ALG13: variants seen among roughly 807,000 people sequenced by gnomAD.
ALG13 encodes ALG13 UDP-N-acetylglucosaminyltransferase subunit, also known as UDP-N-acetylglucosamine transferase subunit ALG13.
Under a neutral mutation model 87.8 loss-of-function variants are expected in ALG13, and 11 were observed. That is an observed-to-expected ratio of 0.13 (90% CI 0.08 to 0.21). The LOEUF (loss-of-function observed/expected upper bound fraction) is 0.21. Ranked by LOEUF, ALG13 falls within the 10% of genes least tolerant of loss-of-function variation. ALG13 has a pLI of 1.00. For synonymous variants in ALG13, 320 were observed against 306.3 expected, an observed-to-expected ratio of 1.04 and a Z score of -0.47; for missense variants, 756 against 866.1, an observed-to-expected ratio of 0.87 and a Z score of 1.60.
chrX:111,732,824 G>GT (rs935611498), intron 21 of ALG13, among the ~76,000 whole-genome samples: 5 of 111,557 alleles, frequency 4.5e-5, no homozygotes, highest in South Asian at 7.5e-4. Context: ...TCCAGAGAAA[G>GT]TTTTTTCCCC....
At chrX:111,752,744 T>A (rs765416830) in intron 24 of ALG13, 46 bp from the exon 25 acceptor site, 7 of 965,923 alleles carry the variant, frequency 7.2e-6, no homozygotes, top group Non-Finnish European at 1.0e-5. Flanking sequence ...TAATTCTAAT[T>A]GCTTATGTCA....
intron 25 of ALG13, among the ~76,000 whole-genome samples, chrX:111,756,178 G>A (rs946820317): frequency 3.6e-5 from 4 of 111,574 alleles, no homozygotes; most frequent in Admixed American, 9.5e-5. Flanking sequence ...ACCAAACACC[G>A]CATGTTCTCA....
chrX:111,693,325 G>A (rs1269114016), intron 3 of ALG13, among the ~76,000 whole-genome samples: 4 of 106,639 alleles, frequency 3.8e-5, no homozygotes, highest in African/African-American at 1.4e-4. Flanking sequence ...CATTATCTCC[G>A]CTCACTGCAA....
intron 10 of ALG13, among the ~76,000 whole-genome samples, chrX:111,719,130 A>G (rs1941063384): frequency 9.4e-6 from 1 of 106,320 alleles, no homozygotes. Flanking sequence ...AGGTTCAAGC[A>G]GTTCTCCTGC....
In ALG13 at chrX:111,727,597, T is replaced by C; in HGVS notation, c.2091-17T>C. Reference sequence around the variant, plus strand: ...TATTTCATCATTTTTACTTTTTTATTATTTGAACCACTTAAGTTCATTTAG... The same window carrying C: ...TATTTCATCATTTTTACTTTTTTATCATTTGAACCACTTAAGTTCATTTAG... On this transcript the variant is annotated splice_polypyrimidine_tract_variant and intron_variant, in intron 17 of 26. Coordinates refer to ENST00000394780, the MANE Select transcript of ALG13 (RefSeq NM_001099922.3). 8.4e-7 allele frequency: 1 copy of C among 1,183,575 alleles called. No homozygotes were observed. Among genetic ancestry groups the C allele is most frequent in the Non-Finnish European group, 1.1e-6 (1 of 881,365 alleles).
At chrX:111,721,732 T>TTC in intron 12 of ALG13, 21 bp downstream of exon 12, 2 of 1,051,110 alleles carry the variant, frequency 1.9e-6, no homozygotes, top group Non-Finnish European at 2.6e-6. Flanking sequence ...ATCAACAGGA[T>TTC]ACTTTTGAAT....
chrX:111,750,256 C>T (rs186894735), intron 24 of ALG13, among the ~76,000 whole-genome samples: 4 of 111,348 alleles, frequency 3.6e-5, no homozygotes, highest in Non-Finnish European at 1.9e-5. Context: ...CCTTAGCAAT[C>T]GCTCCTCTAG....
At chrX:111,696,026 A>C (rs1195066821) in intron 3 of ALG13, among the ~76,000 whole-genome samples, 2 of 111,817 alleles carry the variant, frequency 1.8e-5, no homozygotes, top group Non-Finnish European at 3.8e-5. Context: ...TAATTGAAGT[A>C]AGTTATTTAG....
At chrX:111,740,760 A>T (rs1030670494) in intron 23 of ALG13, among the ~76,000 whole-genome samples, 13 of 112,190 alleles carry the variant, frequency 1.2e-4, no homozygotes, top group Non-Finnish European at 2.3e-4. Flanking sequence ...AGATTGGAAT[A>T]TACCAAGTAT....
In ALG13 at chrX:111,736,765, G is replaced by T; in HGVS notation, c.2581G>T (p.Ala861Ser). 8.3e-7 allele frequency: 1 copy of T among 1,210,616 alleles called. No homozygotes were observed. The highest frequency in any genetic ancestry group is 1.1e-6 in the Non-Finnish European group (1 of 894,857). The change falls in exon 23 of 27, where the codon GCT becomes TCT. Residue 861 changes from alanine to serine, a missense_variant. Transcript: ENST00000394780. Reference sequence around the variant, plus strand: ...AGCTTCCTGTGCCAATAATGTTCCAGCTCCAGTCTTATCTAACGGTGCAGC... The same window carrying T: ...AGCTTCCTGTGCCAATAATGTTCCATCTCCAGTCTTATCTAACGGTGCAGC... ...VAASCANNVP[A>S]PVLSNGAAAN...
chrX:111,705,496 A>AT (rs976633192), intron 3 of ALG13, among the ~76,000 whole-genome samples: 5 of 110,478 alleles, frequency 4.5e-5, no homozygotes, highest in Admixed American at 2.9e-4. Context: ...AATCGAGTTA[A>AT]TTTTTTTTTC....
intron 24 of ALG13, among the ~76,000 whole-genome samples, chrX:111,750,105 A>G (rs990644377): frequency 9.0e-6 from 1 of 111,485 alleles, no homozygotes; most frequent in Non-Finnish European, 1.9e-5. Flanking sequence ...TGTGAACTCT[A>G]TGTAGCAGGT....
intron 10 of ALG13, among the ~76,000 whole-genome samples, chrX:111,718,744 T>C: frequency 8.9e-6 from 1 of 112,180 alleles, no homozygotes; most frequent in Middle Eastern, 4.6e-3. Flanking sequence ...CTGAGGTTAG[T>C]TGACACATCC....
At chrX:111,741,798 G>T (rs1213831841) in intron 23 of ALG13, among the ~76,000 whole-genome samples, 1 of 103,650 alleles carries the variant, frequency 9.6e-6, no homozygotes, top group Admixed American at 1.0e-4. Context: ...GGGCAAGAGC[G>T]AGACTTTGTC....
intron 10 of ALG13, among the ~76,000 whole-genome samples, chrX:111,719,372 T>C (rs2052330307): frequency 9.0e-6 from 1 of 111,469 alleles, no homozygotes. Context: ...GTGGCAACCA[T>C]GTATTAGGGT....
At chrX:111,729,515 T>C (rs1013026505) in intron 19 of ALG13, among the ~76,000 whole-genome samples, 3 of 111,817 alleles carry the variant, frequency 2.7e-5, no homozygotes, top group African/African-American at 9.8e-5. Context: ...CTGTCTGCTC[T>C]CTTATTTAGA....
chrX:111,689,535 CGTT>C, intron 3 of ALG13: 2 of 753,033 alleles, frequency 2.7e-6, no homozygotes, highest in African/African-American at 4.6e-5. Flanking sequence ...AGGTTTAAGC[CGTT>C]GTTGTCAATT....
intron 24 of ALG13, among the ~76,000 whole-genome samples, chrX:111,748,587 T>C (rs1944445079): frequency 8.9e-6 from 1 of 112,181 alleles, no homozygotes; most frequent in Admixed American, 9.5e-5. Flanking sequence ...TTGACTACTT[T>C]CTTTTTTATT....
intron 25 of ALG13, chrX:111,753,091 G>C: frequency 4.3e-6 from 1 of 232,408 alleles, no homozygotes; most frequent in Non-Finnish European, 7.7e-6. Context: ...TATTAGATGA[G>C]CCATCATATT....
Sources: allele counts gnomAD v4.1 joint callset (sites outside exome capture counted in the v4.1 genomes callset), GRCh38; gene constraint gnomAD v4.1.1; transcripts MANE v1.5; gene names NCBI Gene and HGNC (gene_info 2026-07-23, HGNC 2026-07-21).